The following PBX4 variants were observed in gnomAD, a reference collection of about 807,000 sequenced individuals.
PBX4 encodes PBX homeobox 4.
Under a neutral mutation model 35.1 loss-of-function variants are expected in PBX4, and 26 were observed. That is an observed-to-expected ratio of 0.74 (90% CI 0.54 to 1.03). The LOEUF (loss-of-function observed/expected upper bound fraction) is 1.03, where lower values mean the gene tolerates loss of function less well. Among genes scored for constraint, PBX4 ranks in the 50% least tolerant of loss-of-function variants. The pLI is 0.00. For synonymous variants in PBX4, 199 were observed against 204.2 expected, an observed-to-expected ratio of 0.97 and a Z score of 0.22; for missense variants, 448 against 504.3, an observed-to-expected ratio of 0.89 and a Z score of 1.07.
intron 2 of PBX4, among the ~76,000 whole-genome samples, chr19:19,578,625 C>A (rs993211581): frequency 1.3e-5 from 2 of 152,196 alleles, no homozygotes; most frequent in African/African-American, 4.8e-5. Flanking sequence ...AACTGCCAGG[C>A]TTCCTTCTGT....
rs752913335 is a variant in PBX4 at position 19,599,312 on chromosome 19, C to G, written c.173G>C (p.Cys58Ser). The G allele has an allele frequency of 1.2e-6, 2 of 1,612,750 alleles. No individual in the cohort carries two copies. ...CCTACCTGTCTTTTCCTTGATCTCACAGAGCACGCTGAACAGAGCAGGCTT... is the reference window on the plus strand; with the variant it reads ...CCTACCTGTCTTTTCCTTGATCTCAGAGAGCACGCTGAACAGAGCAGGCTT... ...RMKPALFSVL[C>S]EIKEKTVVSI... is the part of the protein sequence containing the mutation. Residue 58 changes from cysteine (C) to serine (S), a missense_variant, in exon 2 of 8, where the codon TGT becomes TCT. Coordinates refer to ENST00000251203, the MANE Select transcript of PBX4 (RefSeq NM_025245.3).
chr19:19,587,336 C>T (rs550561810), intron 2 of PBX4, among the ~76,000 whole-genome samples: 4 of 152,144 alleles, frequency 2.6e-5, no homozygotes, highest in East Asian at 3.9e-4. Context: ...GCCTGTAATA[C>T]CAGCACTTTG....
intron 2 of PBX4, among the ~76,000 whole-genome samples, chr19:19,596,942 G>T (rs1420737131): frequency 6.6e-6 from 1 of 150,998 alleles, no homozygotes. Flanking sequence ...AGGTGTGATG[G>T]CTCACGCCTG....
chr19:19,569,661 A>T, intron 4 of PBX4, 77 bp from the exon 5 acceptor site: 1 of 1,514,354 alleles, frequency 6.6e-7, no homozygotes. Flanking sequence ...TCTGAGTATG[A>T]TTTTCCAGTA....
intron 2 of PBX4, among the ~76,000 whole-genome samples, chr19:19,594,912 G>A (rs1241133954): frequency 6.6e-6 from 1 of 152,044 alleles, no homozygotes; most frequent in East Asian, 1.9e-4. Context: ...AGTAGAGACG[G>A]GGTTTCATCA....
chr19:19,600,060 TA>T (rs2061587605), intron 1 of PBX4, among the ~76,000 whole-genome samples: 1 of 151,874 alleles, frequency 6.6e-6, no homozygotes, highest in Admixed American at 6.6e-5. Context: ...GAGAAATGCT[TA>T]AACCTTGGAG....
chr19:19,583,396 A>G (rs1026157266), intron 2 of PBX4, among the ~76,000 whole-genome samples: 1 of 152,014 alleles, frequency 6.6e-6, no homozygotes, highest in South Asian at 2.1e-4. Context: ...AGATCACTTC[A>G]GCTCAGGAGT....
intron 2 of PBX4, chr19:19,588,060 G>A: frequency 1.5e-6 from 1 of 688,400 alleles, no homozygotes; most frequent in South Asian, 1.6e-5. Flanking sequence ...TTGATGTGGG[G>A]CGGTGGGGAG....
At chr19:19,588,341 AT>A in intron 2 of PBX4, 2 of 1,191,014 alleles carry the variant, frequency 1.7e-6, no homozygotes, top group Non-Finnish European at 2.5e-6. Context: ...TTGCCATCAC[AT>A]TTTTCACACA....
At chr19:19,591,235 C>T (rs1451150371) in intron 2 of PBX4, among the ~76,000 whole-genome samples, 1 of 152,154 alleles carries the variant, frequency 6.6e-6, no homozygotes, top group Non-Finnish European at 1.5e-5. Flanking sequence ...AGAGAGGTGA[C>T]TCATAGGCCT....
chr19:19,563,721 C>A lies in PBX4; in HGVS notation c.926-106G>T. The stretch of plus-strand genomic sequence containing the variant: ...GGCCTCGAATGTGGCTCCTGCCCCT[C>A]CTCAGCATCCGGCCTCTGCTCCTCA... On this transcript the variant is annotated intron_variant, in intron 6 of 7. Transcript: ENST00000251203. The surrounding 1 kb of genome is among the most constrained non-coding windows in gnomAD (Gnocchi z 5.1). 1.1e-6 allele frequency: 1 copy of A among 939,668 alleles called. No individual in the cohort carries two copies. The highest frequency in any genetic ancestry group is 1.7e-6 in the Non-Finnish European group (1 of 595,376). 58.2% of individuals were successfully genotyped at this position (939,668 alleles called of 1,614,324 possible). A position where few individuals can be genotyped will look rare whatever the true frequency, so the allele number is the denominator to read the frequency against.
chr19:19,578,465 G>C (rs2061434288), intron 2 of PBX4, among the ~76,000 whole-genome samples: 1 of 152,166 alleles, frequency 6.6e-6, no homozygotes, highest in Admixed American at 6.5e-5. Flanking sequence ...GACTGTTCCA[G>C]AGCTTCTCAG....
intron 2 of PBX4, among the ~76,000 whole-genome samples, chr19:19,587,177 G>GT (rs1220392302): frequency 1.3e-5 from 2 of 151,252 alleles, no homozygotes; most frequent in Non-Finnish European, 2.9e-5. Context: ...GCTAATTTTT[G>GT]TTTTTTTGTT....
intron 2 of PBX4, among the ~76,000 whole-genome samples, chr19:19,597,167 C>T (rs1374849946): frequency 2.0e-5 from 3 of 151,912 alleles, no homozygotes; most frequent in Non-Finnish European, 4.4e-5. Flanking sequence ...GAGCCAAGAT[C>T]GTGCCATTGC....
At chr19:19,614,617 G>A (rs900998639) in intron 1 of PBX4, among the ~76,000 whole-genome samples, 5 of 150,604 alleles carry the variant, frequency 3.3e-5, no homozygotes, top group African/African-American at 1.2e-4. Context: ...GCCTGATCGC[G>A]CCACTGCACT....
intron 5 of PBX4, 94 bp downstream of exon 5, chr19:19,569,355 T>C: frequency 6.8e-7 from 1 of 1,480,180 alleles, no homozygotes; most frequent in East Asian, 2.4e-5. Context: ...GCCTGGCCTC[T>C]GCACACATTT....
At chr19:19,587,820 T>C (rs112286031) in intron 2 of PBX4, among the ~76,000 whole-genome samples, 2,250 of 151,838 alleles carry the variant, frequency 0.015, 78 homozygotes, top group South Asian at 0.076. Context: ...AACAGATCTT[T>C]GCTTCTCGAA....
chr19:19,611,021 T>C (rs2144791924), intron 1 of PBX4, among the ~76,000 whole-genome samples: 1 of 152,210 alleles, frequency 6.6e-6, no homozygotes, highest in African/African-American at 2.4e-5. Context: ...CATCATAAAT[T>C]CCCCCTAGAA....
chr19:19,597,256 G>C (rs536489445), intron 2 of PBX4, among the ~76,000 whole-genome samples: 1 of 152,290 alleles, frequency 6.6e-6, no homozygotes, highest in African/African-American at 2.4e-5. Flanking sequence ...GGGAGGGTTA[G>C]GGACATCATG....
Sources: allele counts gnomAD v4.1 joint callset (sites outside exome capture counted in the v4.1 genomes callset), GRCh38; gene constraint gnomAD v4.1.1; non-coding constraint Gnocchi (gnomAD v3.1); transcripts MANE v1.5; gene names NCBI Gene and HGNC (gene_info 2026-07-23, HGNC 2026-07-21).